Variants in TFB1M observed in about 807,000 individuals in gnomAD.
TFB1M encodes transcription factor B1, mitochondrial.
In TFB1M, 27 loss-of-function variants were observed where a neutral mutation model predicts 31.1. The ratio of observed to expected loss-of-function variants is 0.87; its 90% CI spans 0.64 to 1.20. TFB1M has a LOEUF of 1.20. Ranked by LOEUF, TFB1M falls within the 50% of genes most tolerant of loss-of-function variation. The pLI is 0.00. For missense variants in TFB1M, 394 were observed against 418.7 expected, an observed-to-expected ratio of 0.94 and a Z score of 0.51; for synonymous variants, 166 against 151.8, an observed-to-expected ratio of 1.09 and a Z score of -0.69.
rs1041304991 is a variant in TFB1M at position 155,314,470 on chromosome 6, C to T, written c.-42G>A. ...CATCCAACCCTACCTCACCCAGGAC[C>T]TTCACCGCCGCTCCGAAAGAAACGC... On this transcript the variant is annotated 5_prime_UTR_variant, in exon 1 of 7. Coordinates refer to ENST00000367166, the MANE Select transcript of TFB1M (RefSeq NM_016020.4). 18 of 1,609,992 alleles carry T rather than the reference C, an allele frequency of 1.1e-5. 1 individual carries two copies. In the African/African-American group the frequency reaches 1.7e-4, roughly 15 times the overall value.
chr6:155,311,798 A>T (rs1778027433), intron 1 of TFB1M, among the ~76,000 whole-genome samples: 1 of 152,186 alleles, frequency 6.6e-6, no homozygotes, highest in African/African-American at 2.4e-5. Context: ...AAAAGTGCTG[A>T]AGTCTTATTT....
At chr6:155,246,715 G>A in the TFB1M span, among the ~76,000 whole-genome samples, 1 of 152,180 alleles carries the variant, frequency 6.6e-6, no homozygotes, top group South Asian at 2.1e-4. Flanking sequence ...GACAGTCAGT[G>A]CAGTACAGTG....
chr6:155,306,351 C>T (rs986494006), intron 2 of TFB1M, among the ~76,000 whole-genome samples: 1 of 152,058 alleles, frequency 6.6e-6, no homozygotes, highest in African/African-American at 2.4e-5. Flanking sequence ...ACACAGGACC[C>T]GGATATTCTA....
the TFB1M span, chr6:155,244,751 T>A: frequency 6.2e-7 from 1 of 1,613,908 alleles, no homozygotes; most frequent in Admixed American, 1.7e-5. Flanking sequence ...ATCATCTGAC[T>A]TTAACACCCT....
intron 6 of TFB1M, among the ~76,000 whole-genome samples, chr6:155,259,997 C>G (rs578105595): frequency 6.6e-6 from 1 of 152,372 alleles, no homozygotes; most frequent in African/African-American, 2.4e-5. Flanking sequence ...TGAGTCCTCA[C>G]TGGGGAACCA....
Position 155,314,457 on chromosome 6 carries a change from C to G in TFB1M, c.-29G>C, listed in dbSNP as rs201007688. 1.2e-6 allele frequency: 2 copies of G among 1,613,752 alleles called. No individual in the cohort carries two copies. Among genetic ancestry groups the G allele is most frequent in the Non-Finnish European group, 1.7e-6 (2 of 1,179,936 alleles). ...ACGCGGCAAGCACCATCCAACCCTACCTCACCCAGGACCTTCACCGCCGCT... is the reference window on the plus strand; with the variant it reads ...ACGCGGCAAGCACCATCCAACCCTAGCTCACCCAGGACCTTCACCGCCGCT... On this transcript the variant is annotated 5_prime_UTR_variant, in exon 1 of 7. Transcript: ENST00000367166.
At chr6:155,281,596 C>T (rs934005152) in intron 5 of TFB1M, among the ~76,000 whole-genome samples, 3 of 151,856 alleles carry the variant, frequency 2.0e-5, no homozygotes, top group East Asian at 1.9e-4. Context: ...ATGGCGGGCG[C>T]CTGTAATCCC....
chr6:155,251,202 T>A (rs1431249293), downstream of TFB1M, among the ~76,000 whole-genome samples: 1 of 152,234 alleles, frequency 6.6e-6, no homozygotes, highest in Admixed American at 6.5e-5. Flanking sequence ...TGCATCCTCA[T>A]TATCTTGTTC....
chr6:155,289,323 T>C (rs1435668938), intron 4 of TFB1M, among the ~76,000 whole-genome samples: 2 of 152,184 alleles, frequency 1.3e-5, no homozygotes, highest in Non-Finnish European at 2.9e-5. Context: ...TTGCACATCA[T>C]GACTTTAGCA....
rs533061606 is a variant in TFB1M at position 155,263,123 on chromosome 6, C to G, written c.667-2723G>C. ...TACCACCCCTTCCTCTCCCTTTCCC[C>G]CAAAGGCACCTTTCAGAATTACTCT... On this transcript the variant is annotated intron_variant, in intron 5 of 6. Transcript: ENST00000367166. Among the ~76,000 whole-genome samples the G allele has an allele frequency of 1.0e-3, 156 of 152,304 alleles. 1 individual carries two copies. Among genetic ancestry groups the G allele is most frequent in the Middle Eastern group, 3.4e-3 (1 of 294 alleles).
intron 5 of TFB1M, chr6:155,275,826 T>C (rs1312870282): frequency 1.2e-6 from 2 of 1,614,120 alleles, no homozygotes; most frequent in South Asian, 1.1e-5. Flanking sequence ...AATGTGGATG[T>C]GGACTCCAAC....
chr6:155,244,913 T>A, the TFB1M span: 2 of 1,163,872 alleles, frequency 1.7e-6, no homozygotes, highest in Non-Finnish European at 2.3e-6. Context: ...CTGTGACTAT[T>A]TCCTTGCACC....
chr6:155,254,565 C>A, downstream of TFB1M: 1 of 1,610,496 alleles, frequency 6.2e-7, no homozygotes. Flanking sequence ...CCTGTTTCGG[C>A]CAAATTAGGT....
chr6:155,229,957 C>T, the TFB1M span, among the ~76,000 whole-genome samples: 2 of 152,124 alleles, frequency 1.3e-5, no homozygotes, highest in Admixed American at 6.5e-5. Context: ...AGAAACCCAC[C>T]CCCATGATTC....
intron 5 of TFB1M, among the ~76,000 whole-genome samples, chr6:155,266,285 TAA>T (rs1450261367): frequency 6.6e-6 from 1 of 152,150 alleles, no homozygotes; most frequent in African/African-American, 2.4e-5. Flanking sequence ...GAAAATTAAA[TAA>T]AAGCCACTGG....
intron 4 of TFB1M, among the ~76,000 whole-genome samples, chr6:155,287,364 T>C (rs1416826667): frequency 1.3e-5 from 2 of 151,966 alleles, no homozygotes; most frequent in African/African-American, 2.4e-5. Context: ...TTATGTGTAA[T>C]GTCAAGAAAT....
chr6:155,257,378 C>T lies in TFB1M; in HGVS notation c.*458G>A, dbSNP rs1415541390. 6.9e-6 allele frequency: 3 copies of T among 434,514 alleles called. No homozygotes were observed. The highest frequency in any genetic ancestry group is 6.2e-5 in the African/African-American group (3 of 48,224). 26.9% of individuals were successfully genotyped at this position (434,514 alleles called of 1,614,324 possible). A position where few individuals can be genotyped will look rare whatever the true frequency, so the allele number is the denominator to read the frequency against. On this transcript the variant is annotated 3_prime_UTR_variant, in exon 7 of 7. Coordinates refer to ENST00000367166, the MANE Select transcript of TFB1M (RefSeq NM_016020.4). The stretch of plus-strand genomic sequence containing the variant: ...AGCAGGTATCAAATGATTTAGGATC[C>T]TTAAAATTACATTCTAATAATTAAG...
chr6:155,305,047 A>T (rs373285356), intron 2 of TFB1M, among the ~76,000 whole-genome samples: 55 of 144,520 alleles, frequency 3.8e-4, no homozygotes, highest in African/African-American at 1.3e-3. Flanking sequence ...TTAGCTCAAA[A>T]TGTATCAAAG....
chr6:155,305,698 T>TAA lies in TFB1M; in HGVS notation c.285+5488_285+5489dup, dbSNP rs35787898. Among the ~76,000 whole-genome samples the TAA allele has an allele frequency of 6.4e-3, 299 of 46,748 alleles. 40 individuals are homozygous for TAA. Among genetic ancestry groups the TAA allele is most frequent in the Non-Finnish European group, 9.6e-3 (249 of 25,952 alleles). The allele number at this position is 46,748 out of a possible 152,430, so 30.7% of individuals were successfully genotyped here. A position where few individuals can be genotyped will look rare whatever the true frequency, so the allele number is the denominator to read the frequency against. On this transcript the variant is annotated intron_variant, in intron 2 of 6. Coordinates refer to ENST00000367166, the MANE Select transcript of TFB1M (RefSeq NM_016020.4). ...ATATATTAAATTATATATTTATATA[T>TAA]AAATATATATTAAATTATATATTTA...
Sources: gnomAD v4.1 joint callset for allele counts (sites outside exome capture counted in the v4.1 genomes callset) on GRCh38, gnomAD v4.1.1 for gene constraint, MANE v1.5 for transcripts, NCBI Gene and HGNC (gene_info 2026-07-23, HGNC 2026-07-21) for gene names.